The following CPNE2 variants were observed in gnomAD, a reference collection of about 807,000 sequenced individuals.
CPNE2 encodes the protein copine 2.
A neutral mutation model predicts 69.7 loss-of-function variants in CPNE2; 42 were observed. The ratio of observed to expected loss-of-function variants is 0.60; its 90% CI spans 0.47 to 0.78. The LOEUF is 0.78. Among genes scored for constraint, CPNE2 ranks in the 30% least tolerant of loss-of-function variants. The probability of loss-of-function intolerance (pLI) is 0.00; values close to 1 mark genes in which losing one functional copy is unlikely to be tolerated. For synonymous variants in CPNE2, 294 were observed against 289.8 expected, an observed-to-expected ratio of 1.01 and a Z score of -0.15; for missense variants, 587 against 732.0, an observed-to-expected ratio of 0.80 and a Z score of 2.29.
intron 1 of CPNE2, among the ~76,000 whole-genome samples, chr16:57,098,370 C>T (rs1280428775): frequency 1.7e-4 from 26 of 152,208 alleles, no homozygotes; most frequent in African/African-American, 4.8e-4. Flanking sequence ...GTCAAGGTGC[C>T]GCCCCCACCT....
intron 12 of CPNE2, among the ~76,000 whole-genome samples, chr16:57,132,190 G>A (rs1435298078): frequency 2.6e-5 from 4 of 152,196 alleles, no homozygotes; most frequent in Non-Finnish European, 5.9e-5. Flanking sequence ...GCCTGCCTTT[G>A]AGACCTCAGT....
Position 57,115,559 on chromosome 16 carries a change from C to A in CPNE2, c.435+9C>A. 1 of 1,603,922 alleles carries A rather than the reference C, an allele frequency of 6.2e-7. No homozygotes were observed. The highest frequency in any genetic ancestry group is 8.5e-7 in the Non-Finnish European group (1 of 1,173,296). Reference sequence around the variant, plus strand: ...GGAAGGGCTTGATTACGGTACCAGTCCCCTCCCGGCTCTCCGCACCCCCTC... The same window carrying A: ...GGAAGGGCTTGATTACGGTACCAGTACCCTCCCGGCTCTCCGCACCCCCTC... On this transcript the variant is annotated intron_variant, in intron 4 of 15. Transcript: ENST00000290776.
intron 15 of CPNE2, chr16:57,147,302 A>G (rs1259991417): frequency 2.7e-6 from 1 of 374,844 alleles, no homozygotes. Context: ...CGTTACTCCC[A>G]AGCATCTCAA....
chr16:57,097,391 C>G (rs1203258083), intron 1 of CPNE2, among the ~76,000 whole-genome samples: 2 of 152,104 alleles, frequency 1.3e-5, no homozygotes, highest in Non-Finnish European at 2.9e-5. Flanking sequence ...GTTGAACAAC[C>G]AAATGGATGG....
chr16:57,119,507 C>G, intron 6 of CPNE2, 54 bp from the exon 7 acceptor site: 3 of 1,500,210 alleles, frequency 2.0e-6, no homozygotes, highest in African/African-American at 1.4e-5. Flanking sequence ...TGACCCAACC[C>G]CAGAGCACTG....
chr16:57,127,684 G>T (rs532644124), intron 11 of CPNE2, among the ~76,000 whole-genome samples, 165 bp from the exon 12 acceptor site: 37 of 152,332 alleles, frequency 2.4e-4, no homozygotes, highest in African/African-American at 8.9e-4. Context: ...CCAGAGGTGG[G>T]TTGGGCTCAT....
chr16:57,121,867 G>A (rs1198811959), intron 9 of CPNE2, 107 bp downstream of exon 9: 13 of 1,042,340 alleles, frequency 1.2e-5, no homozygotes, highest in Middle Eastern at 2.6e-4. Context: ...TTCAAATCCC[G>A]GCTCTGCCAC....
At chr16:57,107,436 G>C (rs1354033307) in intron 1 of CPNE2, among the ~76,000 whole-genome samples, 1 of 152,198 alleles carries the variant, frequency 6.6e-6, no homozygotes, top group Non-Finnish European at 1.5e-5. Flanking sequence ...GGTCTCCGCT[G>C]CCAGCCCCAC....
At chr16:57,118,101 G>A (rs1484927238) in intron 5 of CPNE2, among the ~76,000 whole-genome samples, 2 of 151,486 alleles carry the variant, frequency 1.3e-5, no homozygotes, top group African/African-American at 4.9e-5. Flanking sequence ...CCTGAAATTG[G>A]TCTTCAATTT....
At chr16:57,099,073 C>T (rs1333084724) in intron 1 of CPNE2, among the ~76,000 whole-genome samples, 8 of 152,180 alleles carry the variant, frequency 5.3e-5, no homozygotes, top group South Asian at 2.1e-4. Flanking sequence ...GAAACAGACA[C>T]GACCAGCACC....
At chr16:57,145,057 A>G (rs2069947471) in intron 14 of CPNE2, 1 of 152,176 alleles carries the variant, frequency 6.6e-6, no homozygotes, top group Admixed American at 6.5e-5. Context: ...CACAGTTTGT[A>G]TTTTATATAT....
Position 57,121,717 on chromosome 16 carries a change from A to G in CPNE2, c.824A>G (p.Lys275Arg), listed in dbSNP as rs766953911. 6.2e-7 allele frequency: 1 copy of G among 1,614,098 alleles called. No individual in the cohort carries two copies. The highest frequency in any genetic ancestry group is 1.3e-5 in the African/African-American group (1 of 74,934). ...CINPKKQRKK[K>R]NYKNSGIIIL... ...AACCCCAAGAAGCAGAGGAAGAAGA[A>G]GAACTATAAAAACTCGGGCATCATC... The change falls in exon 9 of 16, where the codon AAG becomes AGG. Residue 275 changes from lysine (K) to arginine (R), a missense_variant. By Grantham distance (26) the Lys-to-Arg change is conservative. This residue lies in a region of CPNE2 where 269 missense variants were observed against 300.5 expected (regional missense o/e 0.90). Transcript: ENST00000290776.
chr16:57,129,339 G>A (rs1402611553), intron 12 of CPNE2, among the ~76,000 whole-genome samples: 1 of 152,092 alleles, frequency 6.6e-6, no homozygotes, highest in Admixed American at 6.5e-5. Flanking sequence ...GGAGAGAAGG[G>A]GCGAAGGCAA....
At chr16:57,127,777 C>A in intron 11 of CPNE2, 72 bp from the exon 12 acceptor site, 1 of 1,501,266 alleles carries the variant, frequency 6.7e-7, no homozygotes, top group Non-Finnish European at 9.3e-7. Context: ...CAGAGTGGGC[C>A]CAGCCCTGGG....
chr16:57,123,326 C>A, intron 9 of CPNE2, 88 bp from the exon 10 acceptor site: 1 of 1,354,658 alleles, frequency 7.4e-7, no homozygotes, highest in South Asian at 1.2e-5. Flanking sequence ...CTTGTCCCTA[C>A]TGAGGTTGCA....
At chr16:57,114,869 G>A (rs1291686569) in intron 3 of CPNE2, among the ~76,000 whole-genome samples, 4 of 144,730 alleles carry the variant, frequency 2.8e-5, no homozygotes, top group Admixed American at 1.4e-4. Flanking sequence ...AGGCCAAGGC[G>A]GGAAGATCGC....
chr16:57,124,063 C>CTTTCT lies in CPNE2; in HGVS notation c.927+614_927+618dup, dbSNP rs377529014. The stretch of plus-strand genomic sequence containing the variant: ...CTCCTCTGTCATATCTTCCTATTTT[C>CTTTCT]TTTCTTTTCTTTTCTTTTCTTTTCT... On this transcript the variant is annotated intron_variant, in intron 10 of 15. Transcript: ENST00000290776. 7.5e-4 allele frequency: 134 copies of CTTTCT among 177,536 alleles called. No individual in the cohort carries two copies. In the East Asian group the frequency reaches 9.0e-3, roughly 12 times the overall value. 11.0% of individuals were successfully genotyped at this position (177,536 alleles called of 1,614,324 possible).
At chr16:57,121,494 G>C (rs1239700757) in intron 8 of CPNE2, among the ~76,000 whole-genome samples, 180 bp from the exon 9 acceptor site, 2 of 152,182 alleles carry the variant, frequency 1.3e-5, no homozygotes, top group African/African-American at 2.4e-5. Flanking sequence ...GTTATCTGGG[G>C]AGGAGGGAGG....
intron 3 of CPNE2, among the ~76,000 whole-genome samples, chr16:57,115,260 G>A (rs1156440808): frequency 6.6e-6 from 1 of 152,184 alleles, no homozygotes; most frequent in African/African-American, 2.4e-5. Flanking sequence ...GGAGACCTCA[G>A]GCGGGTCTCT....
Sources: allele counts gnomAD v4.1 joint callset (sites outside exome capture counted in the v4.1 genomes callset), GRCh38; gene constraint gnomAD v4.1.1; regional missense constraint gnomAD v4.1.1; transcripts MANE v1.5; gene names NCBI Gene and HGNC (gene_info 2026-07-23, HGNC 2026-07-21).